Variants in IGSF21 observed in about 807,000 individuals in gnomAD.
IGSF21 encodes immunoglobin superfamily member 21.
In IGSF21, 28 loss-of-function variants were observed where a neutral mutation model predicts 46.8. That is an observed-to-expected ratio of 0.60 (90% confidence interval 0.44 to 0.82). The LOEUF (loss-of-function observed/expected upper bound fraction) is 0.82. Among genes scored for constraint, IGSF21 ranks in the 40% least tolerant of loss-of-function variants. The pLI is 0.00. For synonymous variants in IGSF21, 284 were observed against 273.6 expected (o/e 1.04, Z -0.38); for missense variants, 624 against 665.5 (o/e 0.94, Z 0.69).
chr1:18,186,759 G>A (rs1446442016), intron 1 of IGSF21, among the ~76,000 whole-genome samples: 1 of 152,138 alleles, frequency 6.6e-6, no homozygotes, highest in Admixed American at 6.5e-5. Flanking sequence ...CAACTTCAGT[G>A]GCTTTGCATA....
chr1:18,207,661 G>A (rs1557587883), intron 1 of IGSF21, among the ~76,000 whole-genome samples: 1 of 152,234 alleles, frequency 6.6e-6, no homozygotes, highest in East Asian at 1.9e-4. Flanking sequence ...TCACTGGGGA[G>A]CTGAAACTAA....
intron 4 of IGSF21, among the ~76,000 whole-genome samples, chr1:18,352,520 C>G (rs1439079194): frequency 2.0e-5 from 3 of 152,274 alleles, no homozygotes; most frequent in East Asian, 1.9e-4. Context: ...TGGAGAACCA[C>G]CAGGTTAAGG....
chr1:18,209,133 T>C (rs549288995), intron 1 of IGSF21, among the ~76,000 whole-genome samples: 1 of 152,326 alleles, frequency 6.6e-6, no homozygotes, highest in South Asian at 2.1e-4. Context: ...GCTTGAGCAT[T>C]TGTGCATTTA....
In IGSF21 at chr1:18,376,911, G is replaced by A. The variant is rs750165722; in HGVS notation, c.1213G>A (p.Glu405Lys). Residue 405 changes from glutamate to lysine, a missense_variant, in exon 8 of 10, where the codon GAG becomes AAG. Physicochemically the swap from Glu to Lys is moderately conservative, Grantham distance 56 (BLOSUM62 1). Transcript: ENST00000251296. ...KELVLERVPAELNGSMYRCTA... is the reference protein window; with the variant it reads ...KELVLERVPAKLNGSMYRCTA... ...GCTGGTGCTGGAGCGGGTTCCCGCC[G>A]AGCTCAATGGCTCCATGTATCGCTG... 21 of 1,612,756 alleles carry A rather than the reference G, an allele frequency of 1.3e-5. No homozygotes were observed. The highest frequency in any genetic ancestry group is 3.3e-5 in the South Asian group (3 of 91,058).
intron 1 of IGSF21, among the ~76,000 whole-genome samples, chr1:18,155,715 G>A (rs1232865115): frequency 6.6e-6 from 1 of 152,252 alleles, no homozygotes; most frequent in Non-Finnish European, 1.5e-5. Context: ...AACTGGTGAT[G>A]AACTGCTGGT....
intron 2 of IGSF21, among the ~76,000 whole-genome samples, chr1:18,262,243 C>A (rs1557613095): frequency 6.6e-6 from 1 of 152,194 alleles, no homozygotes; most frequent in Non-Finnish European, 1.5e-5. Context: ...CACTCCGCAT[C>A]TGTCCTTGTT....
chr1:18,202,431 A>C (rs1189969941), intron 1 of IGSF21, among the ~76,000 whole-genome samples: 4 of 152,186 alleles, frequency 2.6e-5, no homozygotes, highest in Non-Finnish European at 5.9e-5. Flanking sequence ...CACTGCTATA[A>C]AGAAATACTC....
At chr1:18,251,864 A>C (rs1237546413) in intron 2 of IGSF21, among the ~76,000 whole-genome samples, 1 of 152,244 alleles carries the variant, frequency 6.6e-6, no homozygotes, top group East Asian at 1.9e-4. Context: ...CACATGTAAC[A>C]TTCATACAAC....
chr1:18,214,047 C>T (rs1334057585), intron 1 of IGSF21, among the ~76,000 whole-genome samples: 1 of 152,056 alleles, frequency 6.6e-6, no homozygotes, highest in Non-Finnish European at 1.5e-5. Context: ...AACAGCCTTC[C>T]CAAGTCTTAT....
At chr1:18,162,206 T>C (rs917460980) in intron 1 of IGSF21, among the ~76,000 whole-genome samples, 6 of 151,942 alleles carry the variant, frequency 3.9e-5, no homozygotes, top group African/African-American at 1.5e-4. Context: ...CCACCACATG[T>C]GCCTGTATTT....
intron 1 of IGSF21, among the ~76,000 whole-genome samples, chr1:18,163,308 T>G (rs879258720): frequency 4.7e-5 from 7 of 150,406 alleles, no homozygotes; most frequent in South Asian, 2.1e-4. Flanking sequence ...GGTGGTGGTG[T>G]TAATGTCGCA....
intron 1 of IGSF21, among the ~76,000 whole-genome samples, chr1:18,189,636 T>C (rs2086936203): frequency 6.6e-6 from 1 of 151,578 alleles, no homozygotes; most frequent in Non-Finnish European, 1.5e-5. Context: ...GGCATTAGAT[T>C]CTCATAAGGA....
chr1:18,128,788 C>CTGTG (rs10534606), intron 1 of IGSF21, among the ~76,000 whole-genome samples: 265 of 149,770 alleles, frequency 1.8e-3, no homozygotes, highest in African/African-American at 5.6e-3. Context: ...TGCTCATTCG[C>CTGTG]TGTGTGTGTG....
chr1:18,253,107 A>T (rs747007042), intron 2 of IGSF21, among the ~76,000 whole-genome samples: 9 of 151,832 alleles, frequency 5.9e-5, no homozygotes, highest in African/African-American at 2.4e-5. Context: ...TTAGGAACTC[A>T]CTCTACCATA....
At chr1:18,350,503 G>C (rs1446954957) in intron 4 of IGSF21, among the ~76,000 whole-genome samples, 1 of 152,170 alleles carries the variant, frequency 6.6e-6, no homozygotes, top group African/African-American at 2.4e-5. Flanking sequence ...CAATCCAAGA[G>C]ATATTCAATC....
At chr1:18,214,812 C>T (rs2124494189) in intron 1 of IGSF21, among the ~76,000 whole-genome samples, 1 of 152,296 alleles carries the variant, frequency 6.6e-6, no homozygotes, top group Non-Finnish European at 1.5e-5. Flanking sequence ...GGCGTGATCT[C>T]AGCTTACTGC....
chr1:18,245,605 G>T (rs1043061286), intron 2 of IGSF21, among the ~76,000 whole-genome samples: 1 of 152,020 alleles, frequency 6.6e-6, no homozygotes, highest in Admixed American at 6.5e-5. Flanking sequence ...AGTTGTCTAG[G>T]CATCCAGTCT....
In IGSF21 at chr1:18,217,086, A is replaced by C. The variant is rs1467157340; in HGVS notation, c.71-10812A>C. ...CTGACTGTCATGGTCCATCCCAGCAAGACCTAAAATCCAGCTAGTGGAGCT... is the reference window on the plus strand; with the variant it reads ...CTGACTGTCATGGTCCATCCCAGCACGACCTAAAATCCAGCTAGTGGAGCT... On this transcript the variant is annotated intron_variant, in intron 1 of 9. Coordinates refer to ENST00000251296, the MANE Select transcript of IGSF21 (RefSeq NM_032880.5). 2.6e-5 allele frequency among the ~76,000 whole-genome samples: 4 copies of C among 152,214 alleles called. No individual in the cohort carries two copies. In the East Asian group the frequency reaches 7.8e-4, roughly 29 times the overall value.
In IGSF21 at chr1:18,252,045, G is replaced by GTTTTTTTT. The variant is rs59704256; in HGVS notation, c.183+24051_183+24058dup. Among the ~76,000 whole-genome samples, 60 of 72,074 alleles carry GTTTTTTTT rather than the reference G, an allele frequency of 8.3e-4. 1 individual carries two copies. The highest frequency in any genetic ancestry group is 2.2e-3 in the South Asian group (4 of 1,806). 47.3% of individuals were successfully genotyped at this position (72,074 alleles called of 152,430 possible). On this transcript the variant is annotated intron_variant, in intron 2 of 9. Transcript: ENST00000251296. The stretch of plus-strand genomic sequence containing the variant: ...GGCTGGAACACTTTCTGACCAAGGC[G>GTTTTTTTT]TTTTTTTTTTTTTTTTTTTTTTTGA...
Sources: allele counts gnomAD v4.1 joint callset (sites outside exome capture counted in the v4.1 genomes callset), GRCh38; gene constraint gnomAD v4.1.1; transcripts MANE v1.5; gene names NCBI Gene and HGNC (gene_info 2026-07-23, HGNC 2026-07-21).